The following SPECC1 variants were observed in gnomAD, a reference collection of about 807,000 sequenced individuals.
The protein encoded by SPECC1 is sperm antigen with calponin homology and coiled-coil domains 1.
A neutral mutation model predicts 104.1 loss-of-function variants in SPECC1; 62 were observed. The ratio of observed to expected loss-of-function variants is 0.60; its 90% confidence interval spans 0.49 to 0.74. The LOEUF (loss-of-function observed/expected upper bound fraction) is 0.74, where lower values mean the gene tolerates loss of function less well. Ranked by LOEUF, SPECC1 falls within the 30% of genes least tolerant of loss-of-function variation. The pLI is 0.00. For missense variants in SPECC1, 1,306 were observed against 1,310.5 expected (o/e 1.00, Z 0.05); for synonymous variants, 513 against 501.6 (o/e 1.02, Z -0.30).
intron 1 of SPECC1, among the ~76,000 whole-genome samples, chr17:20,019,692 C>T (rs2152432208): frequency 6.6e-6 from 1 of 152,338 alleles, no homozygotes; most frequent in East Asian, 1.9e-4. Context: ...AAAATCCACA[C>T]ATGGTCTTTA....
chr17:20,105,276 G>A (rs1482978502), intron 2 of SPECC1, among the ~76,000 whole-genome samples: 2 of 152,178 alleles, frequency 1.3e-5, no homozygotes, highest in Non-Finnish European at 2.9e-5. Context: ...AAGATTATTT[G>A]TAGAAATGGA....
Position 20,314,980 on chromosome 17 carries a change from G to A in SPECC1, c.*915G>A, listed in dbSNP as rs1188457592. The A allele has an allele frequency of 4.7e-5, 11 of 232,734 alleles. No individual in the cohort carries two copies. Among genetic ancestry groups the A allele is most frequent in the Middle Eastern group, 1.3e-3 (1 of 778 alleles). 14.4% of individuals were successfully genotyped at this position (232,734 alleles called of 1,614,324 possible). On this transcript the variant is annotated 3_prime_UTR_variant, in exon 15 of 15. Transcript: ENST00000395527. Reference sequence around the variant, plus strand: ...GTCTGTGTGCTCCTGAGCAGCTCGCGGCTTTCACAGTAGGGAAACCGCAGT... The same window carrying A: ...GTCTGTGTGCTCCTGAGCAGCTCGCAGCTTTCACAGTAGGGAAACCGCAGT...
At chr17:20,303,034 G>A (rs971304136) in intron 13 of SPECC1, among the ~76,000 whole-genome samples, 15 of 151,974 alleles carry the variant, frequency 9.9e-5, no homozygotes, top group African/African-American at 3.4e-4. Context: ...AATATTTTTA[G>A]CCTGATACAT....
chr17:20,029,007 G>A (rs556539349), intron 1 of SPECC1, among the ~76,000 whole-genome samples: 22 of 152,126 alleles, frequency 1.4e-4, no homozygotes, highest in Admixed American at 7.2e-4. Context: ...GGTAATCTGC[G>A]TGCCTCAGCC....
At chr17:20,100,613 C>A (rs2047900556) in intron 2 of SPECC1, among the ~76,000 whole-genome samples, 1 of 152,080 alleles carries the variant, frequency 6.6e-6, no homozygotes, top group Non-Finnish European at 1.5e-5. Flanking sequence ...GAACTGAATA[C>A]CTGACTTTCT....
intron 1 of SPECC1, among the ~76,000 whole-genome samples, chr17:20,049,324 G>A (rs762147147): frequency 2.0e-5 from 3 of 152,144 alleles, no homozygotes; most frequent in Admixed American, 6.5e-5. Context: ...TGAGGAGCCA[G>A]GTGCGGTGGG....
chr17:20,097,537 T>A (rs1212385482), intron 2 of SPECC1, among the ~76,000 whole-genome samples: 1 of 152,236 alleles, frequency 6.6e-6, no homozygotes, highest in Non-Finnish European at 1.5e-5. Context: ...GGATTTGAGA[T>A]GCAGACTGAT....
intron 4 of SPECC1, among the ~76,000 whole-genome samples, chr17:20,212,364 A>G (rs1253068269): frequency 6.6e-6 from 1 of 152,220 alleles, no homozygotes. Context: ...TGCTGCTGAT[A>G]AAGACATACC....
intron 4 of SPECC1, among the ~76,000 whole-genome samples, chr17:20,223,204 C>A (rs2037999058): frequency 6.6e-6 from 1 of 151,728 alleles, no homozygotes; most frequent in Non-Finnish European, 1.5e-5. Flanking sequence ...TTTTGTAGAT[C>A]TTGTATGTGT....
At position 20,157,564 on chromosome 17, in the gene SPECC1, T is replaced by G. The variant is rs535279073; in HGVS notation, c.284-46769T>G. ...ACATTTTAAAAACACTTCTCATTAG[T>G]TACATGCTTGTCCAGGTATTGTGAA... On this transcript the variant is annotated intron_variant, in intron 3 of 14. Coordinates refer to ENST00000395527, the MANE Select transcript of SPECC1 (RefSeq NM_001243439.2). 6.6e-5 allele frequency among the ~76,000 whole-genome samples: 10 copies of G among 152,360 alleles called. No individual in the cohort carries two copies. In the East Asian group the frequency reaches 1.9e-3, roughly 29 times the overall value.
At chr17:20,309,804 T>C (rs2041875728) in intron 14 of SPECC1, among the ~76,000 whole-genome samples, 1 of 134,158 alleles carries the variant, frequency 7.5e-6, no homozygotes, top group Admixed American at 8.2e-5. Context: ...ACTGGTTTTC[T>C]TTCTCCTTTT....
intron 12 of SPECC1, among the ~76,000 whole-genome samples, chr17:20,280,844 C>T (rs935310071): frequency 3.3e-5 from 5 of 152,182 alleles, no homozygotes; most frequent in Non-Finnish European, 5.9e-5. Flanking sequence ...TTTAAAAAAC[C>T]TTCTGCAGAA....
chr17:20,093,876 G>A (rs1298260406), intron 1 of SPECC1, among the ~76,000 whole-genome samples: 1 of 151,768 alleles, frequency 6.6e-6, no homozygotes, highest in Non-Finnish European at 1.5e-5. Context: ...GGCTACAGGT[G>A]TGTGTCACCA....
intron 12 of SPECC1, among the ~76,000 whole-genome samples, chr17:20,277,717 A>G (rs2040619505): frequency 6.6e-6 from 1 of 152,204 alleles, no homozygotes; most frequent in Non-Finnish European, 1.5e-5. Flanking sequence ...TGTATGCTTT[A>G]AACACGGGGT....
At chr17:20,256,109 C>T (rs145149642) in intron 10 of SPECC1, among the ~76,000 whole-genome samples, 2,063 of 151,784 alleles carry the variant, frequency 0.014, 42 homozygotes, top group East Asian at 0.084. Flanking sequence ...GATCTCCTGA[C>T]CTCGTAATCC....
intron 11 of SPECC1, 112 bp downstream of exon 11, chr17:20,257,719 G>A: frequency 7.2e-7 from 1 of 1,380,368 alleles, no homozygotes; most frequent in East Asian, 2.5e-5. Context: ...TTTCCTGCAT[G>A]AAAATGACTA....
rs547580411 is a variant in SPECC1 at position 20,286,340 on chromosome 17, T to G, written c.2941-10621T>G. 6.6e-5 allele frequency among the ~76,000 whole-genome samples: 10 copies of G among 152,348 alleles called. No homozygotes were observed. The East Asian group carries it at 1.7e-3, about 26-fold the overall frequency. ...GCCTGCTGGGCTGCTTTTCATTTTC[T>G]TCTCATGGTTCTTTTGATGAACCTC... On this transcript the variant is annotated intron_variant, in intron 12 of 14. Transcript: ENST00000395527.
intron 1 of SPECC1, among the ~76,000 whole-genome samples, chr17:20,086,764 C>T (rs182166976): frequency 6.6e-6 from 1 of 152,298 alleles, no homozygotes; most frequent in African/African-American, 2.4e-5. Context: ...CTGTGCTCAG[C>T]AGTGCGGGGG....
chr17:20,126,912 A>C (rs945405441), intron 3 of SPECC1, among the ~76,000 whole-genome samples: 1 of 152,108 alleles, frequency 6.6e-6, no homozygotes, highest in Non-Finnish European at 1.5e-5. Flanking sequence ...TATTACTTTG[A>C]TTATTGCTTC....
Sources: allele counts gnomAD v4.1 joint callset (sites outside exome capture counted in the v4.1 genomes callset), GRCh38; gene constraint gnomAD v4.1.1; transcripts MANE v1.5; gene names NCBI Gene and HGNC (gene_info 2026-07-23, HGNC 2026-07-21).